The following CADPS2 variants were observed in gnomAD, a reference collection of about 807,000 sequenced individuals.
CADPS2 encodes calcium dependent secretion activator 2.
A neutral mutation model predicts 172.5 loss-of-function variants in CADPS2; 93 were observed. The ratio of observed to expected loss-of-function variants is 0.54; its 90% confidence interval spans 0.46 to 0.64. The LOEUF is 0.64. Among genes scored for constraint, CADPS2 ranks in the 30% least tolerant of loss-of-function variants. The probability of loss-of-function intolerance (pLI) is 0.00; values close to 1 mark genes in which losing one functional copy is unlikely to be tolerated. For missense variants in CADPS2, 1,420 were observed against 1,565.9 expected, an observed-to-expected ratio of 0.91 and a Z score of 1.57; for synonymous variants, 546 against 555.2, an observed-to-expected ratio of 0.98 and a Z score of 0.23.
chr7:122,382,417 T>C (rs2043130164), intron 24 of CADPS2: 1 of 151,940 alleles, frequency 6.6e-6, no homozygotes, highest in African/African-American at 2.4e-5. Flanking sequence ...GGTACAGGAG[T>C]GTTCAGTGGA....
intron 17 of CADPS2, among the ~76,000 whole-genome samples, chr7:122,417,839 A>T (rs2048104135): frequency 1.3e-5 from 2 of 152,172 alleles, no homozygotes; most frequent in South Asian, 4.1e-4. Context: ...CCTGGGGAAG[A>T]GGAGGAGGAA....
chr7:122,658,302 C>G (rs1320913977), intron 3 of CADPS2, among the ~76,000 whole-genome samples: 2 of 152,170 alleles, frequency 1.3e-5, no homozygotes, highest in African/African-American at 2.4e-5. Flanking sequence ...GGACTGTAAA[C>G]TAGTTCAACC....
intron 3 of CADPS2, among the ~76,000 whole-genome samples, chr7:122,631,120 A>G (rs2076537813): frequency 6.6e-6 from 1 of 152,176 alleles, no homozygotes; most frequent in Non-Finnish European, 1.5e-5. Context: ...AAACCATAAG[A>G]ACACTGAAAC....
intron 25 of CADPS2, chr7:122,369,519 G>T (rs2151246084): frequency 6.6e-6 from 1 of 152,256 alleles, no homozygotes; most frequent in East Asian, 1.9e-4. Context: ...TGCTGATACA[G>T]TCCTTTTTTC....
At chr7:122,633,158 A>G (rs533397460) in intron 3 of CADPS2, among the ~76,000 whole-genome samples, 1 of 152,246 alleles carries the variant, frequency 6.6e-6, no homozygotes, top group African/African-American at 2.4e-5. Context: ...CTTTTTGCTT[A>G]GGATAGTTTT....
chr7:122,575,177 G>T (rs1004085486), intron 7 of CADPS2, among the ~76,000 whole-genome samples: 6 of 136,152 alleles, frequency 4.4e-5, no homozygotes, highest in African/African-American at 1.8e-4. Context: ...TATAATAAAA[G>T]TAAAAAAAAA....
chr7:122,785,154 G>A (rs1793722566), intron 1 of CADPS2, among the ~76,000 whole-genome samples: 1 of 152,130 alleles, frequency 6.6e-6, no homozygotes, highest in Admixed American at 6.5e-5. Flanking sequence ...AAATGTTGTA[G>A]GTGCTACAGT....
chr7:122,832,888 A>C (rs907288349), intron 1 of CADPS2, among the ~76,000 whole-genome samples: 3 of 152,206 alleles, frequency 2.0e-5, no homozygotes, highest in African/African-American at 7.2e-5. Flanking sequence ...TTTTTTAAAA[A>C]AGACAGCTTA....
chr7:122,819,222 G>A (rs1802405557), intron 1 of CADPS2, among the ~76,000 whole-genome samples: 1 of 152,158 alleles, frequency 6.6e-6, no homozygotes, highest in East Asian at 1.9e-4. Context: ...ACTGGGCCAA[G>A]GAATGCCCGC....
intron 7 of CADPS2, among the ~76,000 whole-genome samples, chr7:122,561,815 A>T (rs550955933): frequency 6.6e-6 from 1 of 152,120 alleles, no homozygotes; most frequent in Non-Finnish European, 1.5e-5. Context: ...TTACCATTTT[A>T]AAAAAATCTC....
chr7:122,428,579 T>G (rs1319811620), intron 17 of CADPS2, among the ~76,000 whole-genome samples: 1 of 151,776 alleles, frequency 6.6e-6, no homozygotes, highest in Non-Finnish European at 1.5e-5. Flanking sequence ...GCGATACTCC[T>G]GCTTCAGCCT....
Position 122,726,840 on chromosome 7 carries a change from T to C in CADPS2, c.453+10115A>G, listed in dbSNP as rs936658806. ...CTTGAATGAGGTGGATAACTAACTA[T>C]AGGTGTTCAAAGAAACATTACTTAA... On this transcript the variant is annotated intron_variant, in intron 2 of 29. Transcript: ENST00000449022. 3.4e-5 allele frequency among the ~76,000 whole-genome samples: 5 copies of C among 148,748 alleles called. No homozygotes were observed. In the South Asian group the frequency reaches 6.3e-4, roughly 19 times the overall value.
intron 17 of CADPS2, among the ~76,000 whole-genome samples, chr7:122,429,037 C>G (rs2151877110): frequency 6.6e-6 from 1 of 152,002 alleles, no homozygotes; most frequent in Non-Finnish European, 1.5e-5. Flanking sequence ...GAAAAACAAC[C>G]AGTGTTTGTT....
At chr7:122,738,162 T>C (rs924214759) in intron 1 of CADPS2, among the ~76,000 whole-genome samples, 1 of 152,096 alleles carries the variant, frequency 6.6e-6, no homozygotes, top group Non-Finnish European at 1.5e-5. Flanking sequence ...ATGTGACTTA[T>C]CAATCATGTC....
intron 17 of CADPS2, 121 bp from the exon 18 acceptor site, chr7:122,416,285 C>T (rs2047904785): frequency 1.0e-5 from 4 of 396,464 alleles, no homozygotes; most frequent in Admixed American, 8.1e-5. Context: ...CAAATGAATA[C>T]ATTATTTAGA....
intron 28 of CADPS2, among the ~76,000 whole-genome samples, chr7:122,342,187 T>C (rs1340344819): frequency 1.3e-5 from 2 of 152,152 alleles, no homozygotes; most frequent in Admixed American, 1.3e-4. Context: ...TGACTTATTA[T>C]TGGAGATGGG....
chr7:122,453,809 C>G (rs550101997), intron 14 of CADPS2, among the ~76,000 whole-genome samples: 3 of 152,266 alleles, frequency 2.0e-5, no homozygotes, highest in African/African-American at 7.2e-5. Context: ...GCCAGGGGGT[C>G]AGGTGATGAC....
At chr7:122,825,347 G>A (rs1213846950) in intron 1 of CADPS2, among the ~76,000 whole-genome samples, 2 of 152,172 alleles carry the variant, frequency 1.3e-5, no homozygotes, top group African/African-American at 4.8e-5. Flanking sequence ...TCAAGGCAAT[G>A]AGGAAAAGCT....
At chr7:122,507,694 T>C (rs1490502710) in intron 9 of CADPS2, among the ~76,000 whole-genome samples, 1 of 152,122 alleles carries the variant, frequency 6.6e-6, no homozygotes, top group Non-Finnish European at 1.5e-5. Context: ...TATCCCACAA[T>C]GTGAAGAACC....
Sources: gnomAD v4.1 joint callset for allele counts (sites outside exome capture counted in the v4.1 genomes callset) on GRCh38, gnomAD v4.1.1 for gene constraint, MANE v1.5 for transcripts, NCBI Gene and HGNC (gene_info 2026-07-23, HGNC 2026-07-21) for gene names.